Variants in PECR observed in about 807,000 individuals in gnomAD.
PECR encodes peroxisomal trans-2-enoyl-CoA reductase, also known as 2,4-dienoyl-CoA reductase-related protein.
Under a neutral mutation model 35.3 loss-of-function variants are expected in PECR, and 30 were observed. That is an observed-to-expected ratio of 0.85 (90% confidence interval 0.64 to 1.15). The LOEUF (loss-of-function observed/expected upper bound fraction) is 1.15. Among genes scored for constraint, PECR ranks in the 50% most tolerant of loss-of-function variants. PECR has a pLI of 0.00. For synonymous variants in PECR, 148 were observed against 138.9 expected (o/e 1.07, Z -0.46); for missense variants, 392 against 370.8 (o/e 1.06, Z -0.47).
At chr2:216,039,982 C>T (rs188684763) in intron 7 of PECR, among the ~76,000 whole-genome samples, 169 of 152,240 alleles carry the variant, frequency 1.1e-3, no homozygotes, top group African/African-American at 3.9e-3. Context: ...GTCACTCCTC[C>T]AGCCCTCTCT....
chr2:216,055,784 G>C (rs1051338895), intron 4 of PECR, among the ~76,000 whole-genome samples: 5 of 152,124 alleles, frequency 3.3e-5, no homozygotes, highest in Non-Finnish European at 7.3e-5. Flanking sequence ...CTCCCTGGTA[G>C]TTAAGGCCTT....
intron 1 of PECR, 121 bp from the exon 2 acceptor site, chr2:216,066,639 T>C: frequency 1.2e-6 from 1 of 846,496 alleles, no homozygotes; most frequent in African/African-American, 1.7e-5. Context: ...TTGTCCAAAT[T>C]CCAACAATAA....
intron 1 of PECR, among the ~76,000 whole-genome samples, chr2:216,067,338 G>C (rs1354703731): frequency 6.6e-6 from 1 of 152,080 alleles, no homozygotes; most frequent in Admixed American, 6.6e-5. Context: ...TCAAACCCTG[G>C]CACTCACACA....
At chr2:216,081,210 T>C (rs904798533) in intron 1 of PECR, among the ~76,000 whole-genome samples, 4 of 152,136 alleles carry the variant, frequency 2.6e-5, no homozygotes, top group Admixed American at 1.3e-4. Flanking sequence ...GGTTAAGAGA[T>C]GTGAGAAGAT....
Position 216,048,335 on chromosome 2 carries a change from A to T in PECR, c.714+928T>A, listed in dbSNP as rs1398122070. Among the ~76,000 whole-genome samples, 50 of 149,132 alleles carry T rather than the reference A, an allele frequency of 3.4e-4. 1 individual carries two copies. The highest frequency in any genetic ancestry group is 4.4e-5 in the Non-Finnish European group (3 of 67,572). On this transcript the variant is annotated intron_variant, in intron 6 of 7. Transcript: ENST00000265322. ...CGTGATCCGCCTGCCTCGGCCTCCC[A>T]AAGTGCTGGGATTACAGGCATGAGC...
chr2:216,046,396 C>T (rs1194555781), intron 6 of PECR, among the ~76,000 whole-genome samples: 2 of 148,124 alleles, frequency 1.4e-5, no homozygotes, highest in African/African-American at 2.5e-5. Context: ...CTGCAACCTC[C>T]GTGTCCCGGG....
intron 1 of PECR, among the ~76,000 whole-genome samples, chr2:216,074,892 CA>C (rs1327614612): frequency 6.6e-6 from 1 of 152,162 alleles, no homozygotes; most frequent in East Asian, 1.9e-4. Context: ...AATGGCCATT[CA>C]GGAAATGGTT....
intron 3 of PECR, among the ~76,000 whole-genome samples, chr2:216,064,442 T>C (rs1420771187): frequency 6.6e-6 from 1 of 152,184 alleles, no homozygotes; most frequent in South Asian, 2.1e-4. Context: ...GCAGATTTGA[T>C]AGCAAGAACT....
At chr2:216,065,105 G>T in intron 3 of PECR, 2 of 589,646 alleles carry the variant, frequency 3.4e-6, no homozygotes, top group Non-Finnish European at 6.0e-6. Flanking sequence ...TAAATTCCAA[G>T]AAATAAAATG....
Position 216,066,518 on chromosome 2 carries a change from C to T in PECR, c.125G>A (p.Gly42Glu), listed in dbSNP as rs1306313346. The T allele has an allele frequency of 3.1e-6, 5 of 1,613,776 alleles. No homozygotes were observed. The South Asian group carries it at 4.4e-5, about 14-fold the overall frequency. ...ACGGGATGCAATGACCACATTACTCCCTGAGGAGAAACAGCCAGAGAACAA... is the reference window on the plus strand; with the variant it reads ...ACGGGATGCAATGACCACATTACTCTCTGAGGAGAAACAGCCAGAGAACAA... ...KAIVKELLELGSNVVIASRKL... is the reference protein window; with the variant it reads ...KAIVKELLELESNVVIASRKL... The change falls in exon 2 of 8, where the codon GGG becomes GAG. Residue 42 changes from glycine to glutamate, a missense_variant and splice_region_variant. Physicochemically the swap from Gly to Glu is moderately conservative, Grantham distance 98. Transcript: ENST00000265322.
At chr2:216,057,292 C>A (rs1695248088) in intron 4 of PECR, among the ~76,000 whole-genome samples, 1 of 152,134 alleles carries the variant, frequency 6.6e-6, no homozygotes, top group South Asian at 2.1e-4. Flanking sequence ...CAAATGCTCA[C>A]CAACTGGAAA....
intron 1 of PECR, among the ~76,000 whole-genome samples, chr2:216,077,235 C>T (rs1015750356): frequency 6.6e-6 from 1 of 151,336 alleles, no homozygotes; most frequent in Non-Finnish European, 1.5e-5. Context: ...GCCGGGGTGC[C>T]GAGGCTCACG....
At chr2:216,050,883 A>G (rs953242543) in intron 5 of PECR, 2 of 151,730 alleles carry the variant, frequency 1.3e-5, no homozygotes, top group African/African-American at 2.4e-5. Flanking sequence ...CCTGGGCAAC[A>G]GAGCAAGACT....
chr2:216,059,373 C>T (rs1695290122), intron 3 of PECR, among the ~76,000 whole-genome samples: 1 of 152,176 alleles, frequency 6.6e-6, no homozygotes, highest in South Asian at 2.1e-4. Context: ...TGTCTAACTT[C>T]TTCCACTTAG....
intron 6 of PECR, among the ~76,000 whole-genome samples, chr2:216,047,259 A>AG (rs200460813): frequency 0.055 from 4,098 of 75,072 alleles, 82 homozygotes; most frequent in Non-Finnish European, 0.075. Context: ...ACTTCGTCTC[A>AG]GGAAAAAAAA....
downstream of PECR, among the ~76,000 whole-genome samples, chr2:216,037,689 C>A (rs1000016210): frequency 2.0e-5 from 3 of 152,118 alleles, no homozygotes; most frequent in Non-Finnish European, 4.4e-5. Flanking sequence ...CTGGGCACCT[C>A]ATTAGCCTCT....
At chr2:216,071,780 C>T (rs1182348769) in intron 1 of PECR, among the ~76,000 whole-genome samples, 2 of 152,174 alleles carry the variant, frequency 1.3e-5, no homozygotes, top group African/African-American at 2.4e-5. Flanking sequence ...TTAACTCTAC[C>T]TCTATTTCTA....
intron 7 of PECR, among the ~76,000 whole-genome samples, chr2:216,041,386 T>C (rs1694884022): frequency 6.6e-6 from 1 of 152,166 alleles, no homozygotes; most frequent in East Asian, 1.9e-4. Context: ...CAAAACCATG[T>C]AGGTATTTCT....
chr2:216,035,105 TG>T (rs1694772217), downstream of PECR, among the ~76,000 whole-genome samples: 1 of 152,234 alleles, frequency 6.6e-6, no homozygotes, highest in African/African-American at 2.4e-5. Context: ...CAGATGTAAT[TG>T]CTCCTCTGTT....
Sources: allele counts gnomAD v4.1 joint callset (sites outside exome capture counted in the v4.1 genomes callset), GRCh38; gene constraint gnomAD v4.1.1; transcripts MANE v1.5; gene names NCBI Gene and HGNC (gene_info 2026-07-23, HGNC 2026-07-21).